The following PGBD5 variants were observed in gnomAD, a reference collection of about 807,000 sequenced individuals.
PGBD5 encodes the protein piggyBac transposable element-derived protein 5.
Under a neutral mutation model 47.9 loss-of-function variants are expected in PGBD5, and 14 were observed. The observed-to-expected ratio is 0.29, with a 90% CI of 0.19 to 0.46. The LOEUF (loss-of-function observed/expected upper bound fraction) is 0.46, where lower values mean the gene tolerates loss of function less well. Among genes scored for constraint, PGBD5 ranks in the 20% least tolerant of loss-of-function variants. The probability of loss-of-function intolerance (pLI) is 1.00; values close to 1 mark genes in which losing one functional copy is unlikely to be tolerated. For synonymous variants in PGBD5, 316 were observed against 306.3 expected (o/e 1.03, Z -0.33); for missense variants, 635 against 716.0 (o/e 0.89, Z 1.29).
chr1:230,337,370 A>G (rs1667343457), intron 3 of PGBD5, 82 bp from the exon 4 acceptor site: 2 of 1,293,966 alleles, frequency 1.5e-6, no homozygotes, highest in African/African-American at 3.0e-5. Flanking sequence ...CACAGATCTC[A>G]TGGGTCTCAG....
At chr1:230,393,872 A>C in intron 1 of PGBD5, among the ~76,000 whole-genome samples, 1 of 150,156 alleles carries the variant, frequency 6.7e-6, no homozygotes, top group Non-Finnish European at 1.5e-5. Flanking sequence ...GCCAGTCCAC[A>C]GCCTGATTAG....
At chr1:230,355,293 C>T (rs981077296) in intron 2 of PGBD5, among the ~76,000 whole-genome samples, 5 of 152,190 alleles carry the variant, frequency 3.3e-5, no homozygotes, top group Non-Finnish European at 7.3e-5. Context: ...GAGGTGAGCC[C>T]ACAAGTCTCA....
intron 1 of PGBD5, among the ~76,000 whole-genome samples, chr1:230,414,946 A>G (rs573359819): frequency 6.6e-6 from 1 of 152,298 alleles, no homozygotes; most frequent in South Asian, 2.1e-4. Flanking sequence ...CACTGGTGGA[A>G]GATGTCACCT....
At chr1:230,367,507 G>C (rs1162510131) in intron 1 of PGBD5, among the ~76,000 whole-genome samples, 3 of 152,044 alleles carry the variant, frequency 2.0e-5, no homozygotes, top group South Asian at 4.1e-4. Flanking sequence ...TTTGAGACCA[G>C]CCTGGACAAG....
chr1:230,416,213 A>G (rs549259699), intron 1 of PGBD5, among the ~76,000 whole-genome samples: 1 of 152,328 alleles, frequency 6.6e-6, no homozygotes, highest in East Asian at 1.9e-4. Context: ...TCTTCCAACC[A>G]GGACAGAAAT....
intron 1 of PGBD5, among the ~76,000 whole-genome samples, chr1:230,366,672 A>G (rs2632572): frequency 0.71 from 108,183 of 152,052 alleles, 38,914 homozygotes; most frequent in Non-Finnish European, 0.74. Context: ...TGTTGGTAAA[A>G]TGAAGACAGC....
rs1015670048 is a variant in PGBD5 at position 230,426,132 on chromosome 1, G to A, written c.-204C>T. ...CGCCCTCGGAGCTCGGGCGCCGCAG[G>A]CTGCGGGCCGCGGCGGGAGGCGAGC... On this transcript the variant is annotated 5_prime_UTR_variant, in exon 1 of 7. Transcript: ENST00000391860. 2.0e-5 allele frequency: 3 copies of A among 147,808 alleles called. No homozygotes were observed. The highest frequency in any genetic ancestry group is 7.5e-5 in the African/African-American group (3 of 40,252). The allele number at this position is 147,808 out of a possible 1,614,324, so 9.2% of individuals were successfully genotyped here. A position where few individuals can be genotyped will look rare whatever the true frequency, so the allele number is the denominator to read the frequency against.
chr1:230,400,653 G>T (rs1260906468), intron 1 of PGBD5, among the ~76,000 whole-genome samples: 2 of 143,980 alleles, frequency 1.4e-5, no homozygotes, highest in Non-Finnish European at 3.0e-5. Context: ...TAAGAAAGAG[G>T]TTTTCTTTCT....
At chr1:230,418,579 C>A (rs370904576) in intron 1 of PGBD5, among the ~76,000 whole-genome samples, 1 of 152,164 alleles carries the variant, frequency 6.6e-6, no homozygotes, top group African/African-American at 2.4e-5. Flanking sequence ...ACAAACACAG[C>A]TCACTGCAGC....
At chr1:230,376,522 T>C (rs566765848) in intron 1 of PGBD5, among the ~76,000 whole-genome samples, 2 of 152,310 alleles carry the variant, frequency 1.3e-5, no homozygotes, top group African/African-American at 4.8e-5. Context: ...ATGAGATGCC[T>C]GAGGTCCTGG....
Position 230,315,888 on chromosome 1 carries a change from A to G in PGBD5, c.*7537T>C, listed in dbSNP as rs961863900. 6.7e-6 allele frequency: 1 copy of G among 148,564 alleles called. No homozygotes were observed. Among genetic ancestry groups the G allele is most frequent in the Non-Finnish European group, 1.5e-5 (1 of 66,612 alleles). The allele number at this position is 148,564 out of a possible 1,614,324, so 9.2% of individuals were successfully genotyped here. A position where few individuals can be genotyped will look rare whatever the true frequency, so the allele number is the denominator to read the frequency against. On this transcript the variant is annotated 3_prime_UTR_variant, in exon 7 of 7. Coordinates refer to ENST00000391860, the MANE Select transcript of PGBD5 (RefSeq NM_001258311.2). Reference sequence around the variant, plus strand: ...TATATATACATATATGGATACATACATATTTATGTGTACACATATATGTAT... The same window carrying G: ...TATATATACATATATGGATACATACGTATTTATGTGTACACATATATGTAT...
rs1667656758 is a variant in PGBD5 at position 230,356,958 on chromosome 1, A to G, written c.695T>C (p.Val232Ala). The G allele has an allele frequency of 6.2e-7, 1 of 1,614,002 alleles. No individual in the cohort carries two copies. Among genetic ancestry groups the G allele is most frequent in the Admixed American group, 1.7e-5 (1 of 59,998 alleles). The stretch of plus-strand genomic sequence containing the variant: ...CTGCAGGGAGTCGAGGAAGGGCTGG[A>G]CCTTGTAGAGCCCGTGCGTGGTCTG... ...SSQTTHGLYK[V>A]QPFLDSLQNS... The change falls in exon 2 of 7, where the codon GTC becomes GCC. Residue 232 changes from valine to alanine, a missense_variant. By Grantham distance (64) the Val-to-Ala change is moderately conservative (BLOSUM62 0). Transcript: ENST00000391860.
intron 5 of PGBD5, among the ~76,000 whole-genome samples, chr1:230,325,646 C>T (rs1261917908): frequency 2.0e-5 from 3 of 152,194 alleles, no homozygotes; most frequent in African/African-American, 7.2e-5. Context: ...GGCCCAGACA[C>T]AGCACCCCAA....
At chr1:230,335,938 CACACAAAG>C (rs1667318553) in intron 4 of PGBD5, among the ~76,000 whole-genome samples, 1 of 151,956 alleles carries the variant, frequency 6.6e-6, no homozygotes. Context: ...CACACACAGA[CACACAAAG>C]ACACAGAGAC....
At chr1:230,407,047 C>A (rs1269333584) in intron 1 of PGBD5, among the ~76,000 whole-genome samples, 1 of 152,174 alleles carries the variant, frequency 6.6e-6, no homozygotes, top group South Asian at 2.1e-4. Flanking sequence ...GTTGGCCAGG[C>A]TGGTCTTGAA....
rs1667549047 is a variant in PGBD5 at position 230,350,826 on chromosome 1, T to C, written c.894+132A>G. 3.0e-6 allele frequency: 4 copies of C among 1,327,002 alleles called. No individual in the cohort carries two copies. The South Asian group carries it at 4.5e-5, about 15-fold the overall frequency. 82.2% of individuals were successfully genotyped at this position (1,327,002 alleles called of 1,614,324 possible). On this transcript the variant is annotated intron_variant, in intron 3 of 6. Transcript: ENST00000391860. ...CCCAGCCCTGGCCTCCGCAGGAGCATCTGGGTGGACTTGGACCCACAGTGA... is the reference window on the plus strand; with the variant it reads ...CCCAGCCCTGGCCTCCGCAGGAGCACCTGGGTGGACTTGGACCCACAGTGA...
chr1:230,337,014 G>T, intron 4 of PGBD5, 94 bp downstream of exon 4: 1 of 1,384,650 alleles, frequency 7.2e-7, no homozygotes, highest in Non-Finnish European at 1.0e-6. Flanking sequence ...GGTTTGTGGT[G>T]GCCACCACGT....
intron 1 of PGBD5, among the ~76,000 whole-genome samples, chr1:230,382,940 C>G (rs990717912): frequency 6.6e-6 from 1 of 152,112 alleles, no homozygotes. Flanking sequence ...GATGCAGGCT[C>G]TCTATTTAAA....
At chr1:230,418,783 T>A (rs1006223645) in intron 1 of PGBD5, among the ~76,000 whole-genome samples, 1 of 152,248 alleles carries the variant, frequency 6.6e-6, no homozygotes, top group African/African-American at 2.4e-5. Context: ...CATGAGCCAC[T>A]GCATCTGGAA....
Sources: gnomAD v4.1 joint callset for allele counts (sites outside exome capture counted in the v4.1 genomes callset) on GRCh38, gnomAD v4.1.1 for gene constraint, MANE v1.5 for transcripts, NCBI Gene and HGNC (gene_info 2026-07-23, HGNC 2026-07-21) for gene names.